Variants in LTF observed in about 807,000 individuals in gnomAD.
LTF encodes the protein epididymis luminal protein 110.
A neutral mutation model predicts 87.2 loss-of-function variants in LTF; 91 were observed. The ratio of observed to expected loss-of-function variants is 1.04; its 90% CI spans 0.88 to 1.24. LTF has a LOEUF of 1.24. Ranked by LOEUF, LTF falls within the 50% of genes most tolerant of loss-of-function variation. The pLI, the probability that LTF is intolerant of heterozygous loss-of-function variation, is 0.00. For missense variants in LTF, 901 were observed against 904.3 expected (o/e 1.00, Z 0.05); for synonymous variants, 378 against 356.1 (o/e 1.06, Z -0.69).
chr3:46,457,681 A>C (rs906738834), intron 2 of LTF, among the ~76,000 whole-genome samples: 5 of 152,238 alleles, frequency 3.3e-5, no homozygotes, highest in African/African-American at 9.6e-5. Context: ...AGTAAGGGGA[A>C]CATCTCACAA....
upstream of LTF, among the ~76,000 whole-genome samples, chr3:46,467,388 C>A (rs949426005): frequency 2.6e-5 from 4 of 151,980 alleles, no homozygotes; most frequent in Non-Finnish European, 5.9e-5. Context: ...CAGCATAAAG[C>A]AAGTGAGTGT....
chr3:46,441,526 A>C (rs750490838), intron 13 of LTF, 43 bp from the exon 14 acceptor site: 3 of 1,384,128 alleles, frequency 2.2e-6, no homozygotes, highest in Non-Finnish European at 3.1e-6. Context: ...CAGAAGAGAA[A>C]CTAGTGGGGC....
intron 9 of LTF, among the ~76,000 whole-genome samples, chr3:46,448,099 C>T (rs1192088326): frequency 1.3e-5 from 2 of 152,142 alleles, no homozygotes; most frequent in Admixed American, 1.3e-4. Context: ...TGCTGTGGCT[C>T]ACACCCGTAA....
chr3:46,463,953 C>G (rs1026746032), intron 1 of LTF, among the ~76,000 whole-genome samples: 1 of 152,164 alleles, frequency 6.6e-6, no homozygotes, highest in African/African-American at 2.4e-5. Flanking sequence ...AAGCTCCCAG[C>G]CTTAGGTAGA....
At chr3:46,456,075 G>A in intron 3 of LTF, 97 bp from the exon 4 acceptor site, 1 of 1,186,774 alleles carries the variant, frequency 8.4e-7, no homozygotes, top group Non-Finnish European at 1.2e-6. Flanking sequence ...GGGGAATGCT[G>A]TGCTGCAGTT....
At position 46,482,520 on chromosome 3, in the gene LTF, G is replaced by A. The variant is rs867299805; in HGVS notation, c.-320+2466C>T. 2.6e-4 allele frequency among the ~76,000 whole-genome samples: 19 copies of A among 71,822 alleles called. No homozygotes were observed. The South Asian group carries it at 2.8e-3, about 11-fold the overall frequency. The allele number at this position is 71,822 out of a possible 152,430, so 47.1% of individuals were successfully genotyped here. The stretch of plus-strand genomic sequence containing the variant: ...GAAGGGAAGGGAAGGGAAGGGAAGG[G>A]AAGGGAAGGGAAGGGAAGGGAAGGG... On this transcript the variant is annotated intron_variant, in intron 1 of 19. Transcript: ENST00000443496.
At position 46,459,815 on chromosome 3, in the gene LTF, C is replaced by T. The variant is rs771294085; in HGVS notation, c.48G>A (p.Leu16=). 1 of 1,549,466 alleles carries T rather than the reference C, an allele frequency of 6.5e-7. No homozygotes were observed. The change falls in exon 2 of 17, where the codon CTG becomes CTA. Residue 16 remains leucine (L), a synonymous_variant. Coordinates refer to ENST00000231751, the MANE Select transcript of LTF (RefSeq NM_002343.6). ...LVLLFLGALG[L]CLAGRRRSVQ... ...CACTCCTCCTACGGCCAGCCAGACACAGTCCTGGGAGAGAGGGGCCAAGGA... is the reference window on the plus strand; with the variant it reads ...CACTCCTCCTACGGCCAGCCAGACATAGTCCTGGGAGAGAGGGGCCAAGGA...
chr3:46,471,560 C>T (rs1321011332), intron 1 of LTF, among the ~76,000 whole-genome samples: 1 of 152,192 alleles, frequency 6.6e-6, no homozygotes, highest in Admixed American at 6.5e-5. Flanking sequence ...GAGAGCCTCC[C>T]TCAGGGCTGT....
At chr3:46,449,801 G>A (rs901312111) in intron 8 of LTF, 53 bp downstream of exon 8, 55 of 1,596,338 alleles carry the variant, frequency 3.4e-5, no homozygotes, top group Admixed American at 5.1e-5. Flanking sequence ...CCACCTGCTG[G>A]GAAGTAGAAG....
rs749193201 is a variant in LTF at position 46,459,711 on chromosome 3, G to T, written c.152C>A (p.Pro51His). The T allele has an allele frequency of 1.3e-6, 2 of 1,575,468 alleles. No individual in the cohort carries two copies. Among genetic ancestry groups the T allele is most frequent in the East Asian group, 2.5e-5 (1 of 40,218 alleles). The change falls in exon 2 of 17, where the codon CCT becomes CAT. Residue 51 changes from proline (P) to histidine (H), a missense_variant. Pro to His is a moderately conservative substitution (Grantham distance 77). Coordinates refer to ENST00000231751, the MANE Select transcript of LTF (RefSeq NM_002343.6). Reference protein sequence around the residue: ...WQRNMRKVRGPPVSCIKRDSP... With the variant: ...WQRNMRKVRGHPVSCIKRDSP... ...GTCTCTCTTTATGCAGCTGACAGGA[G>T]GGCCACGCACTTTTCTCATATTCCT...
Position 46,436,047 on chromosome 3 carries a change from T to C in LTF, c.*148A>G. ...CAAAATTTCTCATTTTACTTCTTGC[T>C]AAGACGACAGCAGGGAATTGTAAGC... On this transcript the variant is annotated 3_prime_UTR_variant, in exon 17 of 17. Coordinates refer to ENST00000231751, the MANE Select transcript of LTF (RefSeq NM_002343.6). The C allele has an allele frequency of 1.4e-6, 1 of 723,542 alleles. No homozygotes were observed. The allele number at this position is 723,542 out of a possible 1,614,324, so 44.8% of individuals were successfully genotyped here.
At chr3:46,476,811 G>A (rs1160533313) in intron 1 of LTF, among the ~76,000 whole-genome samples, 23 of 152,202 alleles carry the variant, frequency 1.5e-4, no homozygotes. Context: ...GGTGCCTGAG[G>A]TTTTCTGTTT....
intron 1 of LTF, among the ~76,000 whole-genome samples, chr3:46,483,409 A>G (rs1356708073): frequency 6.6e-6 from 1 of 152,238 alleles, no homozygotes; most frequent in African/African-American, 2.4e-5. Flanking sequence ...AGATGGATAA[A>G]TCAATTGTAA....
rs946128953 is a variant in LTF at position 46,475,706 on chromosome 3, TA to T, written c.-319-5241del. 2.6e-5 allele frequency among the ~76,000 whole-genome samples: 4 copies of T among 152,018 alleles called. No homozygotes were observed. The East Asian group carries it at 5.8e-4, about 22-fold the overall frequency. On this transcript the variant is annotated intron_variant, in intron 1 of 19. Transcript: ENST00000443496. ...GCTGGCCAAGTAATCTTTTTTAAGT[TA>T]AAAAAAACTCTCATATGGAGAAATA...
exon 1 of LTF, chr3:46,485,190 C>G (rs1276041631): frequency 6.6e-6 from 1 of 152,418 alleles, no homozygotes; most frequent in African/African-American, 2.4e-5. Context: ...CTTTGTTCCC[C>G]TCAGTGCCCG....
At chr3:46,483,814 A>T (rs1014801663) in intron 1 of LTF, among the ~76,000 whole-genome samples, 2 of 151,254 alleles carry the variant, frequency 1.3e-5, no homozygotes, top group South Asian at 2.1e-4. Flanking sequence ...TATTTAGTTT[A>T]AAAAAAAACG....
At chr3:46,477,194 CTGTT>C (rs1450928431) in intron 1 of LTF, among the ~76,000 whole-genome samples, 4 of 152,244 alleles carry the variant, frequency 2.6e-5, no homozygotes, top group South Asian at 2.1e-4. Context: ...TTCAGCCACT[CTGTT>C]TGGGAATGTC....
At chr3:46,482,093 T>G (rs1353590509) in intron 1 of LTF, among the ~76,000 whole-genome samples, 1 of 152,210 alleles carries the variant, frequency 6.6e-6, no homozygotes, top group Non-Finnish European at 1.5e-5. Flanking sequence ...AATATTTTCT[T>G]ACTTTTTATG....
In LTF at chr3:46,464,900, G is replaced by T. The variant is rs769184708; in HGVS notation, c.-33C>A. ...GTCTGGAGGCGACTTGGCAAACGAAGGCTCTGCCACTTGCGCCTGCCCTGC... is the reference window on the plus strand; with the variant it reads ...GTCTGGAGGCGACTTGGCAAACGAATGCTCTGCCACTTGCGCCTGCCCTGC... On this transcript the variant is annotated 5_prime_UTR_variant, in exon 1 of 17. Coordinates refer to ENST00000231751, the MANE Select transcript of LTF (RefSeq NM_002343.6). 1 of 1,612,474 alleles carries T rather than the reference G, an allele frequency of 6.2e-7. No homozygotes were observed. The highest frequency in any genetic ancestry group is 1.1e-5 in the South Asian group (1 of 91,002).
Sources: allele counts gnomAD v4.1 joint callset (sites outside exome capture counted in the v4.1 genomes callset), GRCh38; gene constraint gnomAD v4.1.1; transcripts MANE v1.5; gene names NCBI Gene and HGNC (gene_info 2026-07-23, HGNC 2026-07-21).